SCAPER: variants seen among roughly 807,000 people sequenced by gnomAD.
SCAPER encodes S phase cyclin A-associated protein in the endoplasmic reticulum.
SCAPER carries 98 observed loss-of-function variants against 182.2 expected under a neutral mutation model. The ratio of observed to expected loss-of-function variants is 0.54; its 90% CI spans 0.46 to 0.64. The LOEUF is 0.64. Ranked by LOEUF, SCAPER falls within the 30% of genes least tolerant of loss-of-function variation. The pLI, the probability that SCAPER is intolerant of heterozygous loss-of-function variation, is 0.00. For synonymous variants in SCAPER, 605 were observed against 564.6 expected (o/e 1.07, Z -1.01); for missense variants, 1,432 against 1,690.0 (o/e 0.85, Z 2.68).
At chr15:76,596,791 G>T (rs1016306039) in intron 22 of SCAPER, among the ~76,000 whole-genome samples, 2 of 120,704 alleles carry the variant, frequency 1.7e-5, no homozygotes, top group African/African-American at 5.1e-5. Flanking sequence ...AATAAAGTAG[G>T]TATTGATGGA....
At chr15:76,652,563 T>A (rs1431729359) in intron 21 of SCAPER, among the ~76,000 whole-genome samples, 85 of 97,108 alleles carry the variant, frequency 8.8e-4, no homozygotes, top group Admixed American at 1.4e-3. Context: ...ACACACACAT[T>A]AGCCGGGTGT....
At chr15:76,441,201 G>GT (rs1210925249) in intron 25 of SCAPER, among the ~76,000 whole-genome samples, 2 of 145,588 alleles carry the variant, frequency 1.4e-5, no homozygotes, top group East Asian at 3.9e-4. Flanking sequence ...GATTACAGGT[G>GT]TGAGCCACCG....
intron 16 of SCAPER, among the ~76,000 whole-genome samples, chr15:76,731,322 T>G (rs2060909411): frequency 6.6e-6 from 1 of 152,066 alleles, no homozygotes; most frequent in African/African-American, 2.4e-5. Context: ...ATGCCTACAA[T>G]TCAAATGATT....
chr15:76,699,478 GTTCCT>G (rs1266177724), intron 20 of SCAPER, among the ~76,000 whole-genome samples: 1 of 152,158 alleles, frequency 6.6e-6, no homozygotes, highest in African/African-American at 2.4e-5. Flanking sequence ...ATGAAAGGAT[GTTCCT>G]TTCATCTTCG....
chr15:76,600,615 A>T (rs1456749378), intron 22 of SCAPER, among the ~76,000 whole-genome samples: 1 of 117,772 alleles, frequency 8.5e-6, no homozygotes, highest in Non-Finnish European at 2.1e-5. Flanking sequence ...ATGCCTGGCT[A>T]ATTTTTGTAT....
At position 76,434,156 on chromosome 15, in the gene SCAPER, G is replaced by A. The variant is rs1039934794; in HGVS notation, c.3233C>T (p.Pro1078Leu). 1 of 1,613,816 alleles carries A rather than the reference G, an allele frequency of 6.2e-7. No individual in the cohort carries two copies. Among genetic ancestry groups the A allele is most frequent in the Admixed American group, 1.7e-5 (1 of 59,996 alleles). The change falls in exon 26 of 32, where the codon CCA becomes CTA. Residue 1078 changes from proline to leucine, a missense_variant. By Grantham distance (98) the Pro-to-Leu change is moderately conservative. Around this residue, in one of 5 missense-constraint regions of SCAPER, gnomAD observed 718 missense variants for 799.7 expected, o/e 0.90. Coordinates refer to ENST00000563290, the MANE Select transcript of SCAPER (RefSeq NM_020843.4). ...RPDGNCQPAT[P>L]KIPTQEMKNK... ...TTTCATTTCCTGTGTTGGTATTTTT[G>A]GGGTAGCTGGCTGGCAGTTTCCATC...
At chr15:76,368,125 A>C (rs971095783) in intron 29 of SCAPER, among the ~76,000 whole-genome samples, 8 of 152,248 alleles carry the variant, frequency 5.3e-5, no homozygotes, top group African/African-American at 1.9e-4. Flanking sequence ...CTGGGAGAAC[A>C]GAAAGTCCTT....
chr15:76,577,607 A>G (rs1331941199), intron 22 of SCAPER, among the ~76,000 whole-genome samples: 1 of 152,008 alleles, frequency 6.6e-6, no homozygotes, highest in Non-Finnish European at 1.5e-5. Flanking sequence ...GCAAAAAGGG[A>G]ATGGGCTACC....
intron 22 of SCAPER, among the ~76,000 whole-genome samples, chr15:76,619,995 G>A (rs141270347): frequency 5.9e-5 from 9 of 152,240 alleles, no homozygotes; most frequent in South Asian, 2.1e-4. Flanking sequence ...AGAATTGCCC[G>A]AACCTGGGAG....
intron 26 of SCAPER, among the ~76,000 whole-genome samples, chr15:76,423,064 T>G (rs1405814179): frequency 6.6e-6 from 1 of 152,228 alleles, no homozygotes; most frequent in Non-Finnish European, 1.5e-5. Context: ...TCATCAGGGA[T>G]ATTGGTCTAA....
chr15:76,684,740 C>T (rs1313592321), intron 20 of SCAPER, among the ~76,000 whole-genome samples: 2 of 151,720 alleles, frequency 1.3e-5, no homozygotes, highest in Admixed American at 1.3e-4. Flanking sequence ...TATTTAAATA[C>T]ATTAGTAATT....
At chr15:76,775,596 G>C (rs960031214) in intron 8 of SCAPER, among the ~76,000 whole-genome samples, 1 of 151,984 alleles carries the variant, frequency 6.6e-6, no homozygotes, top group African/African-American at 2.4e-5. Context: ...CCATCCCAAC[G>C]GCCATATAAA....
chr15:76,482,115 G>A (rs1182198817), intron 24 of SCAPER, among the ~76,000 whole-genome samples: 1 of 151,836 alleles, frequency 6.6e-6, no homozygotes, highest in Non-Finnish European at 1.5e-5. Context: ...TCAATACCTA[G>A]AGCCATGAAT....
intron 2 of SCAPER, among the ~76,000 whole-genome samples, chr15:76,871,069 AAAGT>A (rs1314361931): frequency 6.6e-6 from 1 of 152,182 alleles, no homozygotes; most frequent in African/African-American, 2.4e-5. Flanking sequence ...TCAAAGTGAA[AAAGT>A]AAGTAACTGC....
At chr15:76,548,748 A>G (rs1047009006) in intron 23 of SCAPER, among the ~76,000 whole-genome samples, 24 of 152,248 alleles carry the variant, frequency 1.6e-4, no homozygotes, top group Admixed American at 1.4e-3. Context: ...CCAGATGTAG[A>G]AAGCTGAAAC....
At chr15:76,673,952 TACACACACACACACACACACACACAC>T (rs71447120) in intron 20 of SCAPER, among the ~76,000 whole-genome samples, 1 of 146,356 alleles carries the variant, frequency 6.8e-6, no homozygotes, top group Non-Finnish European at 1.5e-5. Flanking sequence ...AATTTATCTA[TACACACACACACACACACACACACAC>T]ACACACACAC....
intron 22 of SCAPER, among the ~76,000 whole-genome samples, chr15:76,583,806 G>T (rs1330156535): frequency 3.3e-5 from 5 of 152,150 alleles, no homozygotes; most frequent in African/African-American, 1.2e-4. Flanking sequence ...AAACCCTCAT[G>T]CACTGTTGGT....
intron 5 of SCAPER, among the ~76,000 whole-genome samples, chr15:76,826,250 A>G (rs1468485677): frequency 6.6e-6 from 1 of 152,006 alleles, no homozygotes; most frequent in Non-Finnish European, 1.5e-5. Context: ...TGATGAGTTC[A>G]TGTCCTTTGT....
chr15:76,779,212 C>T (rs190857834), intron 8 of SCAPER, among the ~76,000 whole-genome samples: 1 of 151,830 alleles, frequency 6.6e-6, no homozygotes, highest in Admixed American at 6.6e-5. Context: ...GACATATATA[C>T]AAAAATCTAT....
Sources: allele counts gnomAD v4.1 joint callset (sites outside exome capture counted in the v4.1 genomes callset), GRCh38; gene constraint gnomAD v4.1.1; regional missense constraint gnomAD v4.1.1; transcripts MANE v1.5; gene names NCBI Gene and HGNC (gene_info 2026-07-23, HGNC 2026-07-21).